NDRG2: variants seen among roughly 807,000 people sequenced by gnomAD.
NDRG2 encodes the protein NDRG family member 2.
NDRG2 carries 34 observed loss-of-function variants against 58.2 expected under a neutral mutation model. The ratio of observed to expected loss-of-function variants is 0.58; its 90% confidence interval spans 0.44 to 0.78. The LOEUF is 0.78. NDRG2 is among the 30% of genes least tolerant of loss of function. The probability of loss-of-function intolerance (pLI) is 0.00; values close to 1 mark genes in which losing one functional copy is unlikely to be tolerated. For synonymous variants in NDRG2, 187 were observed against 175.9 expected, an observed-to-expected ratio of 1.06 and a Z score of -0.50; for missense variants, 434 against 471.2, an observed-to-expected ratio of 0.92 and a Z score of 0.73.
intron 1 of NDRG2, among the ~76,000 whole-genome samples, chr14:21,068,557 G>GT (rs1594533153): frequency 6.6e-6 from 1 of 152,022 alleles, no homozygotes; most frequent in African/African-American, 2.4e-5. Context: ...GGTGAATAAG[G>GT]TTTTTTAAAC....
At chr14:21,033,582 G>A in intron 1 of NDRG2, 1 of 572,380 alleles carries the variant, frequency 1.7e-6, no homozygotes, top group East Asian at 2.9e-5. Context: ...TCTGGGAGAG[G>A]AAGGATGATG....
At chr14:21,053,895 C>G (rs1018712191) in intron 1 of NDRG2, among the ~76,000 whole-genome samples, 6 of 152,134 alleles carry the variant, frequency 3.9e-5, no homozygotes, top group African/African-American at 1.4e-4. Flanking sequence ...TTCTATGAAA[C>G]TGGGTCCATG....
chr14:21,050,289 C>T (rs540674866), intron 1 of NDRG2, among the ~76,000 whole-genome samples: 1 of 152,314 alleles, frequency 6.6e-6, no homozygotes, highest in Admixed American at 6.5e-5. Flanking sequence ...ACTAGTCAAG[C>T]ATGTCCCTGG....
intron 1 of NDRG2, chr14:21,023,732 G>A (rs958307287): frequency 2.3e-5 from 4 of 176,256 alleles, no homozygotes. Flanking sequence ...AAAGGACAGG[G>A]TACCAAAAGA....
chr14:21,067,282 G>GTTT (rs11444511), intron 1 of NDRG2, among the ~76,000 whole-genome samples: 3 of 150,610 alleles, frequency 2.0e-5, no homozygotes, highest in Non-Finnish European at 3.0e-5. Flanking sequence ...AAAAAGGTAG[G>GTTT]TTTTTTTTTT....
intron 1 of NDRG2, chr14:21,042,996 G>T: frequency 6.2e-7 from 1 of 1,612,016 alleles, no homozygotes; most frequent in African/African-American, 1.3e-5. Flanking sequence ...AAGAGAGATG[G>T]CACCGGCCAG....
chr14:21,070,715 C>T lies in NDRG2; in HGVS notation c.24+113G>A. The T allele has an allele frequency of 7.9e-7, 1 of 1,264,682 alleles. No individual in the cohort carries two copies. The highest frequency in any genetic ancestry group is 1.1e-6 in the Non-Finnish European group (1 of 908,656). The allele number at this position is 1,264,682 out of a possible 1,614,324, so 78.3% of individuals were successfully genotyped here. A position where few individuals can be genotyped will look rare whatever the true frequency, so the allele number is the denominator to read the frequency against. On this transcript the variant is annotated intron_variant, in intron 1 of 14. Transcript: ENST00000403829. This position sits in a 1 kb window ranked among gnomAD's most constrained non-coding sequence, Gnocchi z 4.7. ...CTGTCCTGACCTGTGCCTTCCTTTC[C>T]TGGAGCTTCCCTCCCCCTCCTGGTC...
At chr14:21,044,444 T>G (rs1168316368) in intron 1 of NDRG2, among the ~76,000 whole-genome samples, 5 of 152,204 alleles carry the variant, frequency 3.3e-5, no homozygotes, top group Non-Finnish European at 7.3e-5. Context: ...TTAAGGGACT[T>G]CCGTGGCCCT....
At chr14:21,034,181 G>T (rs2139091670) in intron 1 of NDRG2, 1 of 1,613,964 alleles carries the variant, frequency 6.2e-7, no homozygotes, top group East Asian at 2.2e-5. Context: ...GATAGTCAAT[G>T]CTTAAGGTAT....
At chr14:21,069,557 G>A (rs541382684) in intron 1 of NDRG2, among the ~76,000 whole-genome samples, 5 of 152,218 alleles carry the variant, frequency 3.3e-5, no homozygotes, top group Non-Finnish European at 2.9e-5. Flanking sequence ...ATCCCGATCC[G>A]GGAACCCTGC....
intron 6 of NDRG2, 26 bp from the exon 7 acceptor site, chr14:21,020,870 C>A (rs746878202): frequency 7.4e-6 from 12 of 1,611,516 alleles, no homozygotes; most frequent in Non-Finnish European, 9.3e-6. Context: ...AAATATACGC[C>A]TCATGGGATC....
intron 1 of NDRG2, chr14:21,048,292 G>C (rs1885297879): frequency 6.6e-6 from 1 of 152,130 alleles, no homozygotes; most frequent in Non-Finnish European, 1.5e-5. Flanking sequence ...AGTAAGCTTG[G>C]GAACATCCAC....
intron 1 of NDRG2, among the ~76,000 whole-genome samples, chr14:21,035,212 T>C (rs11851011): frequency 0.014 from 2,079 of 152,290 alleles, 47 homozygotes; most frequent in African/African-American, 0.045. Context: ...ACCCACAGCC[T>C]TCACCTGTGA....
rs1490580879 is a variant in NDRG2, at chr14:21,024,322, G to C, written c.-299C>G. 5.1e-6 allele frequency: 5 copies of C among 984,924 alleles called. No homozygotes were observed. The highest frequency in any genetic ancestry group is 6.0e-6 in the Non-Finnish European group (5 of 829,564). 61.0% of individuals were successfully genotyped at this position (984,924 alleles called of 1,614,324 possible). On this transcript the variant is annotated 5_prime_UTR_variant, in exon 1 of 16. Coordinates refer to ENST00000556147, the MANE Select transcript of NDRG2 (RefSeq NM_001320329.2). The stretch of plus-strand genomic sequence containing the variant: ...GCATCAGTTCAGGCTGCGCGGAGGA[G>C]AGAAGGAAGTGCTGATGTGGAGGTA...
chr14:21,018,075 T>C, intron 14 of NDRG2, 37 bp from the exon 15 acceptor site: 1 of 1,609,928 alleles, frequency 6.2e-7, no homozygotes, highest in East Asian at 2.2e-5. Flanking sequence ...GACGGTGAGA[T>C]GAGGTTAGAG....
chr14:21,059,077 G>A (rs555901179), intron 1 of NDRG2, among the ~76,000 whole-genome samples: 41 of 152,304 alleles, frequency 2.7e-4, no homozygotes, highest in African/African-American at 9.6e-4. Flanking sequence ...CATGTGAAGG[G>A]GTAGAGTGAC....
At chr14:21,035,534 T>C (rs549187937) in intron 1 of NDRG2, among the ~76,000 whole-genome samples, 1 of 152,192 alleles carries the variant, frequency 6.6e-6, no homozygotes, top group African/African-American at 2.4e-5. Context: ...CTGCAAGGTG[T>C]CTTCCAGATT....
chr14:21,045,719 T>G (rs1020397225), intron 1 of NDRG2, among the ~76,000 whole-genome samples: 1 of 152,230 alleles, frequency 6.6e-6, no homozygotes, highest in Non-Finnish European at 1.5e-5. Flanking sequence ...AATTTCCAAC[T>G]AAAACTTTTT....
In NDRG2 at chr14:21,057,720, C is replaced by T; in HGVS notation, c.24+13108G>A. On this transcript the variant is annotated intron_variant, in intron 1 of 14. Transcript: ENST00000403829. Reference sequence around the variant, plus strand: ...TTAGAGGCACAAAAAGGCACATTATCTGCTGGTACTAAACAATAGAATGCC... The same window carrying T: ...TTAGAGGCACAAAAAGGCACATTATTTGCTGGTACTAAACAATAGAATGCC... 10 of 596,396 alleles carry T rather than the reference C, an allele frequency of 1.7e-5. No individual in the cohort carries two copies. In the South Asian group the frequency reaches 2.2e-4, roughly 13 times the overall value. The allele number at this position is 596,396 out of a possible 1,614,324, so 36.9% of individuals were successfully genotyped here.
Sources: allele counts gnomAD v4.1 joint callset (sites outside exome capture counted in the v4.1 genomes callset), GRCh38; gene constraint gnomAD v4.1.1; non-coding constraint Gnocchi (gnomAD v3.1); transcripts MANE v1.5; gene names NCBI Gene and HGNC (gene_info 2026-07-23, HGNC 2026-07-21).